YAP1: variants seen among roughly 807,000 people sequenced by gnomAD.
YAP1 encodes Yes1 associated transcriptional regulator.
A neutral mutation model predicts 56.9 loss-of-function variants in YAP1; 5 were observed. The ratio of observed to expected loss-of-function variants is 0.09; its 90% CI spans 0.05 to 0.18. The LOEUF is 0.18. Ranked by LOEUF, YAP1 falls within the 10% of genes least tolerant of loss-of-function variation. The pLI is 1.00. For synonymous variants in YAP1, 265 were observed against 248.1 expected (o/e 1.07, Z -0.64); for missense variants, 539 against 651.8 (o/e 0.83, Z 1.88).
chr11:102,154,344 C>G (rs139973947), intron 2 of YAP1, among the ~76,000 whole-genome samples: 1 of 152,166 alleles, frequency 6.6e-6, no homozygotes, highest in African/African-American at 2.4e-5. Flanking sequence ...CCAGAGGAGA[C>G]AGAAGGGAAG....
At chr11:102,115,354 T>A (rs1263709388) in intron 2 of YAP1, among the ~76,000 whole-genome samples, 1 of 152,314 alleles carries the variant, frequency 6.6e-6, no homozygotes, top group East Asian at 1.9e-4. Flanking sequence ...GTCTTGACAG[T>A]CTACTCCTAA....
At chr11:102,183,075 G>A (rs75439293) in intron 3 of YAP1, among the ~76,000 whole-genome samples, 11 of 152,290 alleles carry the variant, frequency 7.2e-5, no homozygotes, top group African/African-American at 2.6e-4. Context: ...GAACAGATAT[G>A]TAATCAAGTA....
chr11:102,201,119 G>A (rs995787067), intron 4 of YAP1, among the ~76,000 whole-genome samples: 1 of 152,172 alleles, frequency 6.6e-6, no homozygotes, highest in Non-Finnish European at 1.5e-5. Context: ...AATTATGTAT[G>A]AGCATATTCT....
chr11:102,152,712 A>AT (rs1434612750), intron 2 of YAP1, among the ~76,000 whole-genome samples: 1 of 152,206 alleles, frequency 6.6e-6, no homozygotes, highest in Non-Finnish European at 1.5e-5. Flanking sequence ...GTTTCAAAAG[A>AT]TTCAGATTAT....
intron 2 of YAP1, among the ~76,000 whole-genome samples, chr11:102,115,855 C>T (rs866050723): frequency 3.3e-5 from 5 of 152,324 alleles, no homozygotes; most frequent in Middle Eastern, 6.8e-3. Context: ...AGAAAGGCTG[C>T]ACTTTTTTGA....
intron 4 of YAP1, among the ~76,000 whole-genome samples, chr11:102,197,772 A>G (rs1229878522): frequency 1.3e-5 from 2 of 152,170 alleles, no homozygotes; most frequent in Non-Finnish European, 2.9e-5. Flanking sequence ...AACTGGAAAC[A>G]TTGGGATTTC....
At chr11:102,131,788 G>A (rs1944380323) in intron 2 of YAP1, among the ~76,000 whole-genome samples, 1 of 152,078 alleles carries the variant, frequency 6.6e-6, no homozygotes, top group South Asian at 2.1e-4. Context: ...ATTAAAAAAG[G>A]GTATTGTTTG....
chr11:102,120,030 A>G (rs1005106773), intron 2 of YAP1, among the ~76,000 whole-genome samples: 2 of 152,190 alleles, frequency 1.3e-5, no homozygotes, highest in Non-Finnish European at 2.9e-5. Flanking sequence ...GTGTCGTTCT[A>G]TAACTGTGGT....
chr11:102,229,322 T>G (rs1950352124), intron 8 of YAP1, among the ~76,000 whole-genome samples: 3 of 152,192 alleles, frequency 2.0e-5, no homozygotes, highest in African/African-American at 7.2e-5. Flanking sequence ...ATACCACTCA[T>G]GTTTATGTTT....
intron 1 of YAP1, 109 bp downstream of exon 1, chr11:102,111,278 A>G: frequency 7.4e-7 from 1 of 1,351,022 alleles, no homozygotes. Flanking sequence ...GGTTGCGGGA[A>G]CTCTAGCTGG....
chr11:102,147,163 A>C (rs1182908489), intron 2 of YAP1, among the ~76,000 whole-genome samples: 1 of 152,204 alleles, frequency 6.6e-6, no homozygotes, highest in Non-Finnish European at 1.5e-5. Context: ...CTGGCACCAA[A>C]GTCCACGTAA....
intron 3 of YAP1, among the ~76,000 whole-genome samples, chr11:102,180,133 C>G (rs1947503286): frequency 6.6e-6 from 1 of 151,372 alleles, no homozygotes; most frequent in Admixed American, 6.6e-5. Context: ...CCTCAGCCTC[C>G]CAAGTAGCTG....
At chr11:102,187,272 T>A (rs1948018797) in intron 4 of YAP1, among the ~76,000 whole-genome samples, 1 of 152,194 alleles carries the variant, frequency 6.6e-6, no homozygotes, top group African/African-American at 2.4e-5. Context: ...CTGTTCAAGT[T>A]AAGTCAATGG....
At chr11:102,144,873 CACACAT>C (rs140282239) in intron 2 of YAP1, among the ~76,000 whole-genome samples, 63,759 of 143,608 alleles carry the variant, frequency 0.44, 15,893 homozygotes, top group South Asian at 0.66. Context: ...CACACACACA[CACACAT>C]ACACACACTC....
chr11:102,215,973 AAAC>A (rs1249446304), intron 6 of YAP1, among the ~76,000 whole-genome samples: 2 of 152,190 alleles, frequency 1.3e-5, no homozygotes, highest in Non-Finnish European at 2.9e-5. Flanking sequence ...TCTAGCCAAA[AAAC>A]AACAACCTCT....
intron 1 of YAP1, among the ~76,000 whole-genome samples, chr11:102,113,217 T>A (rs913101803): frequency 6.6e-6 from 1 of 152,222 alleles, no homozygotes; most frequent in Non-Finnish European, 1.5e-5. Flanking sequence ...AAAAATATTT[T>A]AAAAACTATG....
At chr11:102,212,989 GTGAGAT>G (rs1189463350) in intron 6 of YAP1, among the ~76,000 whole-genome samples, 2 of 152,194 alleles carry the variant, frequency 1.3e-5, no homozygotes, top group African/African-American at 4.8e-5. Flanking sequence ...TCTTTGCTTT[GTGAGAT>G]TGAGCAGTTA....
chr11:102,188,867 A>T (rs1303721193), intron 4 of YAP1, among the ~76,000 whole-genome samples: 3 of 152,224 alleles, frequency 2.0e-5, no homozygotes, highest in Non-Finnish European at 4.4e-5. Flanking sequence ...AATGTTATTT[A>T]TGTAATTTTA....
intron 4 of YAP1, among the ~76,000 whole-genome samples, chr11:102,188,024 G>T (rs796638006): frequency 1.3e-5 from 2 of 152,198 alleles, no homozygotes; most frequent in Admixed American, 6.5e-5. Context: ...GTAACTGAAG[G>T]GGGGCAGGAA....
Sources: gnomAD v4.1 joint callset for allele counts (sites outside exome capture counted in the v4.1 genomes callset) on GRCh38, gnomAD v4.1.1 for gene constraint, MANE v1.5 for transcripts, NCBI Gene and HGNC (gene_info 2026-07-23, HGNC 2026-07-21) for gene names.